KCNIP4: variants seen among roughly 807,000 people sequenced by gnomAD.
KCNIP4 encodes Kv channel-interacting protein 4.
In KCNIP4, 12 loss-of-function variants were observed where a neutral mutation model predicts 34.0. The observed-to-expected ratio is 0.35, with a 90% CI of 0.23 to 0.57. The LOEUF (loss-of-function observed/expected upper bound fraction) is 0.57, where lower values mean the gene tolerates loss of function less well. Among genes scored for constraint, KCNIP4 ranks in the 20% least tolerant of loss-of-function variants. The pLI, the probability that KCNIP4 is intolerant of heterozygous loss-of-function variation, is 0.83. For synonymous variants in KCNIP4, 124 were observed against 102.2 expected (o/e 1.21, Z -1.29); for missense variants, 238 against 311.7 (o/e 0.76, Z 1.78).
At chr4:21,841,318 C>A (rs1235655803) in intron 1 of KCNIP4, among the ~76,000 whole-genome samples, 1 of 152,106 alleles carries the variant, frequency 6.6e-6, no homozygotes, top group Non-Finnish European at 1.5e-5. Context: ...AAAAGGAATT[C>A]TTTCCATATT....
chr4:21,305,175 G>A (rs892536863), intron 1 of KCNIP4, among the ~76,000 whole-genome samples: 3 of 152,146 alleles, frequency 2.0e-5, no homozygotes, highest in African/African-American at 7.2e-5. Flanking sequence ...GAGGACTGAA[G>A]AGAGCAAAAG....
At chr4:21,694,309 A>G (rs1289767914) in intron 1 of KCNIP4, among the ~76,000 whole-genome samples, 1 of 152,172 alleles carries the variant, frequency 6.6e-6, no homozygotes, top group Admixed American at 6.5e-5. Flanking sequence ...ATGATATGGT[A>G]CATCAAGAGG....
chr4:21,801,640 G>A (rs1193634753), intron 1 of KCNIP4, among the ~76,000 whole-genome samples: 3 of 151,578 alleles, frequency 2.0e-5, no homozygotes, highest in Admixed American at 6.6e-5. Context: ...ATGGAGTCTC[G>A]CTCTGTCACC....
chr4:21,738,025 G>C (rs10004616), intron 1 of KCNIP4, among the ~76,000 whole-genome samples: 13,706 of 151,738 alleles, frequency 0.09, 2,093 homozygotes, highest in African/African-American at 0.31. Flanking sequence ...CTGGGAGGTG[G>C]AGCTTGCAGT....
At chr4:21,137,538 C>A (rs1211442255) in intron 1 of KCNIP4, among the ~76,000 whole-genome samples, 1 of 152,050 alleles carries the variant, frequency 6.6e-6, no homozygotes, top group African/African-American at 2.4e-5. Flanking sequence ...TTAGTAAACT[C>A]TTTTAGCATC....
chr4:20,918,621 C>T (rs994648917), intron 1 of KCNIP4, among the ~76,000 whole-genome samples: 10 of 152,130 alleles, frequency 6.6e-5, no homozygotes, highest in Admixed American at 2.6e-4. Context: ...AACTGGAATT[C>T]GGCAGTGAAC....
chr4:21,512,056 T>TGAAG (rs199962252), intron 1 of KCNIP4, among the ~76,000 whole-genome samples: 1,990 of 108,584 alleles, frequency 0.018, 49 homozygotes, highest in African/African-American at 0.06. Flanking sequence ...GGAAAAAGAA[T>TGAAG]GAAGGAAGGA....
chr4:20,907,867 G>T (rs934908806), intron 1 of KCNIP4, among the ~76,000 whole-genome samples: 2 of 151,500 alleles, frequency 1.3e-5, no homozygotes, highest in Non-Finnish European at 2.9e-5. Flanking sequence ...ACAGGCGCCC[G>T]CATGATATCA....
At chr4:21,468,651 A>C (rs1327158897) in intron 1 of KCNIP4, among the ~76,000 whole-genome samples, 1 of 152,122 alleles carries the variant, frequency 6.6e-6, no homozygotes, top group Non-Finnish European at 1.5e-5. Context: ...AAAGAGAAAA[A>C]AATCTAAGAC....
intron 1 of KCNIP4, among the ~76,000 whole-genome samples, chr4:21,696,242 G>T (rs1390333642): frequency 6.6e-6 from 1 of 151,964 alleles, no homozygotes; most frequent in Non-Finnish European, 1.5e-5. Flanking sequence ...TAACATAATT[G>T]TATATGCAGT....
chr4:20,922,543 G>GTCTATCTATCTATCTA (rs772424861), intron 1 of KCNIP4, among the ~76,000 whole-genome samples: 2 of 81,900 alleles, frequency 2.4e-5, no homozygotes, highest in Admixed American at 1.4e-4. Context: ...CTGTCTGTCT[G>GTCTATCTATCTATCTA]TCTGTCTATC....
chr4:21,105,150 G>A (rs1194707902), intron 1 of KCNIP4, among the ~76,000 whole-genome samples: 4 of 151,628 alleles, frequency 2.6e-5, no homozygotes, highest in Non-Finnish European at 4.4e-5. Flanking sequence ...TTGGTAGCTT[G>A]ATGGGGATGG....
Position 21,395,780 on chromosome 4 carries a change from C to T in KCNIP4, c.62-513071G>A, listed in dbSNP as rs115992614. ...CATTATCAGCTTCATCAAAGGGCTT[C>T]TTTTAAATGATGTGGGGGTAAGGTA... is the stretch of plus-strand genomic sequence containing the variant. On this transcript the variant is annotated intron_variant, in intron 1 of 8. Coordinates refer to ENST00000382152, the MANE Select transcript of KCNIP4 (RefSeq NM_025221.6). 8.5e-3 allele frequency among the ~76,000 whole-genome samples: 1,290 copies of T among 152,180 alleles called. 19 individuals carry two copies. Among genetic ancestry groups the T allele is most frequent in the African/African-American group, 0.03 (1,240 of 41,518 alleles).
intron 1 of KCNIP4, among the ~76,000 whole-genome samples, chr4:21,694,933 A>AT (rs1553921798): frequency 1.6e-5 from 1 of 61,458 alleles, no homozygotes; most frequent in African/African-American, 4.3e-5. Context: ...AAAAAAAATA[A>AT]AAATAAATAA....
intron 1 of KCNIP4, among the ~76,000 whole-genome samples, chr4:21,297,025 C>T (rs1041259631): frequency 1.3e-5 from 2 of 149,446 alleles, no homozygotes; most frequent in African/African-American, 2.5e-5. Context: ...TACATAAGTA[C>T]GTATGTGTGT....
At chr4:21,438,741 A>G (rs1326648322) in intron 1 of KCNIP4, among the ~76,000 whole-genome samples, 1 of 152,252 alleles carries the variant, frequency 6.6e-6, no homozygotes, top group Non-Finnish European at 1.5e-5. Flanking sequence ...ATTATAGATA[A>G]TTAACATATG....
intron 1 of KCNIP4, among the ~76,000 whole-genome samples, chr4:21,119,673 T>C (rs568760720): frequency 6.6e-6 from 1 of 152,124 alleles, no homozygotes; most frequent in African/African-American, 2.4e-5. Flanking sequence ...TTGGGTTCTT[T>C]GTTAAATTCA....
chr4:20,972,836 G>A (rs1735106933), intron 1 of KCNIP4, among the ~76,000 whole-genome samples: 1 of 152,140 alleles, frequency 6.6e-6, no homozygotes, highest in Non-Finnish European at 1.5e-5. Context: ...CAATAATTCA[G>A]TAGAGAAAGT....
chr4:21,787,483 A>T (rs898033516), intron 1 of KCNIP4, among the ~76,000 whole-genome samples: 3 of 152,182 alleles, frequency 2.0e-5, no homozygotes, highest in South Asian at 2.1e-4. Flanking sequence ...TACACTCCAG[A>T]TATTATACTA....
Sources: allele counts gnomAD v4.1 joint callset (sites outside exome capture counted in the v4.1 genomes callset), GRCh38; gene constraint gnomAD v4.1.1; transcripts MANE v1.5; gene names NCBI Gene and HGNC (gene_info 2026-07-23, HGNC 2026-07-21).